Variants in LRRK2 observed in about 807,000 individuals in gnomAD.
LRRK2 encodes leucine rich repeat kinase 2, also known as leucine-rich repeat serine/threonine-protein kinase 2.
LRRK2 carries 203 observed loss-of-function variants against 302.6 expected under a neutral mutation model. The ratio of observed to expected loss-of-function variants is 0.67; its 90% CI spans 0.60 to 0.75. The LOEUF is 0.75. Among genes scored for constraint, LRRK2 ranks in the 30% least tolerant of loss-of-function variants. The pLI is 0.00. For synonymous variants in LRRK2, 1,066 were observed against 1,031.9 expected (o/e 1.03, Z -0.63); for missense variants, 2,830 against 2,951.0 (o/e 0.96, Z 0.95).
chr12:40,267,269 G>A (rs561562484), intron 14 of LRRK2, among the ~76,000 whole-genome samples: 1 of 152,198 alleles, frequency 6.6e-6, no homozygotes, highest in African/African-American at 2.4e-5. Flanking sequence ...CGCGTCCTGA[G>A]GACATGGTTA....
At chr12:40,263,220 A>G (rs1942852612) in intron 13 of LRRK2, among the ~76,000 whole-genome samples, 2 of 152,176 alleles carry the variant, frequency 1.3e-5, no homozygotes, top group African/African-American at 4.8e-5. Flanking sequence ...TGTTTTTAGC[A>G]TAGTTCAGCT....
intron 46 of LRRK2, among the ~76,000 whole-genome samples, chr12:40,356,625 A>G (rs1425988657): frequency 6.6e-6 from 1 of 152,120 alleles, no homozygotes; most frequent in Admixed American, 6.5e-5. Flanking sequence ...TTCTCTATCC[A>G]TCTATTCATC....
At chr12:40,334,511 T>C (rs1945808933) in intron 39 of LRRK2, among the ~76,000 whole-genome samples, 1 of 152,224 alleles carries the variant, frequency 6.6e-6, no homozygotes, top group Admixed American at 6.5e-5. Context: ...TTATCTGTAT[T>C]ATATACTCCA....
chr12:40,294,111 A>G (rs933384046), intron 21 of LRRK2, among the ~76,000 whole-genome samples: 10 of 149,534 alleles, frequency 6.7e-5, no homozygotes, highest in Admixed American at 2.0e-4. Flanking sequence ...AATATAATTC[A>G]TTGTTCATCT....
At position 40,322,324 on chromosome 12, in the gene LRRK2, A is replaced by G; in HGVS notation, c.5323A>G (p.Ile1775Val). Residue 1775 changes from isoleucine (I) to valine (V), a missense_variant, in exon 37 of 51, where the codon ATT becomes GTT. Ile to Val is a conservative substitution (Grantham distance 29, BLOSUM62 3). Around this residue, in one of 3 missense-constraint regions of LRRK2, gnomAD observed 2,121 missense variants for 2,148.0 expected, o/e 0.99. Coordinates refer to ENST00000298910, the MANE Select transcript of LRRK2 (RefSeq NM_198578.4). ...CTCTGTTTTGAATCATGTAGGCTGT[A>G]TTCTTTTGGGCCAAGTTGTGGACCA... Reference protein sequence around the residue: ...ITVPSCRKGCILLGQVVDHID... With the variant: ...ITVPSCRKGCVLLGQVVDHID... 4 of 1,613,330 alleles carry G rather than the reference A, an allele frequency of 2.5e-6. No homozygotes were observed. The highest frequency in any genetic ancestry group is 3.4e-6 in the Non-Finnish European group (4 of 1,179,590).
chr12:40,313,781 C>T (rs1945112139), intron 31 of LRRK2, among the ~76,000 whole-genome samples, 191 bp from the exon 32 acceptor site: 2 of 151,596 alleles, frequency 1.3e-5, no homozygotes, highest in African/African-American at 4.8e-5. Flanking sequence ...CAACAATTTT[C>T]CTATTTTAAT....
intron 36 of LRRK2, 64 bp from the exon 37 acceptor site, chr12:40,322,255 C>T: frequency 1.3e-6 from 2 of 1,565,582 alleles, no homozygotes; most frequent in Non-Finnish European, 1.8e-6. Context: ...AAAAACTTTA[C>T]CTTAAAGCTT....
rs1270154472 is a variant in LRRK2, at chr12:40,305,834, G to C, written c.3827G>C (p.Ser1276Thr). 1 of 1,613,688 alleles carries C rather than the reference G, an allele frequency of 6.2e-7. No individual in the cohort carries two copies. The highest frequency in any genetic ancestry group is 1.7e-4 in the Middle Eastern group (1 of 6,058). The change falls in exon 28 of 51, where the codon AGT (serine) becomes ACT (threonine). Residue 1276 changes from serine to threonine, a missense_variant. Around this residue, in one of 3 missense-constraint regions of LRRK2, gnomAD observed 2,121 missense variants for 2,148.0 expected, o/e 0.99. Coordinates refer to ENST00000298910, the MANE Select transcript of LRRK2 (RefSeq NM_198578.4). ...GAAAATCTGACATCTCTGGATGTCA[G>C]TTACAACTTGGAACTAAGATCCTTT... ...CLENLTSLDV[S>T]YNLELRSFPN... is the part of the protein sequence containing the mutation.
chr12:40,363,859 T>C (rs762416902), intron 48 of LRRK2, among the ~76,000 whole-genome samples: 2 of 152,056 alleles, frequency 1.3e-5, no homozygotes, highest in Non-Finnish European at 2.9e-5. Flanking sequence ...GACATAGTTC[T>C]GTCACAGTGT....
chr12:40,292,916 T>A (rs553200652), intron 20 of LRRK2, among the ~76,000 whole-genome samples: 7 of 152,184 alleles, frequency 4.6e-5, no homozygotes, highest in Admixed American at 2.6e-4. Context: ...TTTATTGTGT[T>A]TATTTTAATA....
chr12:40,357,538 A>G (rs114010855), intron 46 of LRRK2, among the ~76,000 whole-genome samples: 1,782 of 152,268 alleles, frequency 0.012, 40 homozygotes, highest in African/African-American at 0.041. Flanking sequence ...CGTAGTGGCT[A>G]TAGCAATTTA....
At chr12:40,338,971 T>C (rs1945954756) in intron 40 of LRRK2, among the ~76,000 whole-genome samples, 1 of 152,230 alleles carries the variant, frequency 6.6e-6, no homozygotes, top group African/African-American at 2.4e-5. Flanking sequence ...ATCTTATTTT[T>C]TTCAGCCCAA....
chr12:40,235,665 A>G lies in LRRK2; in HGVS notation c.387A>G (p.Val129=). 2 of 1,610,114 alleles carry G rather than the reference A, an allele frequency of 1.2e-6. No homozygotes were observed. Among genetic ancestry groups the G allele is most frequent in the Non-Finnish European group, 1.7e-6 (2 of 1,176,448 alleles). The change falls in exon 4 of 51, where the codon GTA becomes GTG. Residue 129 remains valine (V), a synonymous_variant. Coordinates refer to ENST00000298910, the MANE Select transcript of LRRK2 (RefSeq NM_198578.4). ...LKMLTVHNAS[V]NLSVIGLKTL... The stretch of plus-strand genomic sequence containing the variant: ...TGCTAACAGTTCATAATGCCAGTGT[A>G]AACTTGTCAGTGATTGGACTGAAGA...
intron 33 of LRRK2, among the ~76,000 whole-genome samples, chr12:40,315,963 T>C (rs1294242622): frequency 6.6e-6 from 1 of 152,036 alleles, no homozygotes; most frequent in Non-Finnish European, 1.5e-5. Context: ...TAATTCTTTG[T>C]TGCACATTGT....
At chr12:40,357,826 A>G (rs780685269) in intron 46 of LRRK2, among the ~76,000 whole-genome samples, 3 of 152,192 alleles carry the variant, frequency 2.0e-5, no homozygotes, top group Non-Finnish European at 4.4e-5. Context: ...AGGCTGGCTC[A>G]CAGTGGCATG....
At chr12:40,227,031 TTC>T (rs1940929302) in intron 2 of LRRK2, among the ~76,000 whole-genome samples, 1 of 152,172 alleles carries the variant, frequency 6.6e-6, no homozygotes, top group Admixed American at 6.5e-5. Flanking sequence ...TGGAACATAC[TTC>T]CTAATTCTTA....
intron 23 of LRRK2, among the ~76,000 whole-genome samples, chr12:40,297,150 C>G: frequency 6.6e-6 from 1 of 152,170 alleles, no homozygotes; most frequent in East Asian, 1.9e-4. Flanking sequence ...AAGTTTAGTA[C>G]TTACTGAATT....
In LRRK2 at chr12:40,320,094, A is replaced by G. The variant is rs759886320; in HGVS notation, c.4934A>G (p.Tyr1645Cys). 5 of 1,612,120 alleles carry G rather than the reference A, an allele frequency of 3.1e-6. No individual in the cohort carries two copies. Among genetic ancestry groups the G allele is most frequent in the Admixed American group, 1.7e-5 (1 of 59,818 alleles). Residue 1645 changes from tyrosine (Y) to cysteine (C), a missense_variant, in exon 34 of 51, where the codon TAC becomes TGC. Transcript: ENST00000298910. ...LSKKRKFPKNYMSQYFKLLEK... is the reference protein window; with the variant it reads ...LSKKRKFPKNCMSQYFKLLEK... The stretch of plus-strand genomic sequence containing the variant: ...AAAAAAAGGAAATTTCCAAAGAACT[A>G]CATGTCACAGTATTTTAAGCTCCTA...
chr12:40,364,806 G>A (rs1295280188), intron 48 of LRRK2, 36 bp from the exon 49 acceptor site: 2 of 1,451,626 alleles, frequency 1.4e-6, no homozygotes, highest in Admixed American at 3.4e-5. Flanking sequence ...CTCTTAATTG[G>A]TGGTAAAATT....
Sources: gnomAD v4.1 joint callset for allele counts (sites outside exome capture counted in the v4.1 genomes callset) on GRCh38, gnomAD v4.1.1 for gene constraint, gnomAD v4.1.1 regional missense constraint, MANE v1.5 for transcripts, NCBI Gene and HGNC (gene_info 2026-07-23, HGNC 2026-07-21) for gene names.